CLIP2: variants seen among roughly 807,000 people sequenced by gnomAD.
The protein encoded by CLIP2 is CAP-Gly domain containing linker protein 2.
A neutral mutation model predicts 111.7 loss-of-function variants in CLIP2; 41 were observed. That is an observed-to-expected ratio of 0.37 (90% CI 0.29 to 0.48). The LOEUF is 0.48. Among genes scored for constraint, CLIP2 ranks in the 20% least tolerant of loss-of-function variants. CLIP2 has a pLI of 0.99. For synonymous variants in CLIP2, 660 were observed against 644.2 expected (o/e 1.02, Z -0.37); for missense variants, 1,160 against 1,422.1 (o/e 0.82, Z 2.96).
In CLIP2 at chr7:74,385,464, C is replaced by CA. The variant is rs147539922; in HGVS notation, c.2480-1039dup. ...TGAGCAACACAATGATAACCTGTCTCAAAAAAAAAAAAAAAAAAGGTTAAA... is the reference window on the plus strand; with the variant it reads ...TGAGCAACACAATGATAACCTGTCTCAAAAAAAAAAAAAAAAAAAGGTTAAA... On this transcript the variant is annotated intron_variant, in intron 11 of 16. Coordinates refer to ENST00000223398, the MANE Select transcript of CLIP2 (RefSeq NM_003388.5). 8.9e-3 allele frequency among the ~76,000 whole-genome samples: 629 copies of CA among 71,048 alleles called. 4 individuals carry two copies. The Middle Eastern group carries it at 0.092, about 10-fold the overall frequency. 46.6% of individuals were successfully genotyped at this position (71,048 alleles called of 152,430 possible).
rs533283333 is a variant in CLIP2 at position 74,322,182 on chromosome 7, C to T, written c.121+4515C>T. The stretch of plus-strand genomic sequence containing the variant: ...ATTTTTGTATTTTTTGGAGAGACGG[C>T]GTTTCACCATGTTGGCCAGGCTGGT... On this transcript the variant is annotated intron_variant, in intron 2 of 16. Coordinates refer to ENST00000223398, the MANE Select transcript of CLIP2 (RefSeq NM_003388.5). Among the ~76,000 whole-genome samples, 36 of 150,876 alleles carry T rather than the reference C, an allele frequency of 2.4e-4. No homozygotes were observed. In the East Asian group the frequency reaches 6.7e-3, roughly 28 times the overall value.
intron 8 of CLIP2, among the ~76,000 whole-genome samples, chr7:74,367,694 C>T (rs1554311055): frequency 1.3e-5 from 2 of 152,128 alleles, no homozygotes; most frequent in African/African-American, 4.8e-5. Context: ...AGGACCACAG[C>T]CCAAATTGAA....
At chr7:74,399,542 TGGGG>T (rs111225920) in intron 14 of CLIP2, among the ~76,000 whole-genome samples, 2 of 44,546 alleles carry the variant, frequency 4.5e-5, no homozygotes, top group African/African-American at 1.3e-4. Flanking sequence ...AGTCTTTTTT[TGGGG>T]GGGGGGGGGT....
At chr7:74,303,607 T>A (rs1384815730) in intron 1 of CLIP2, among the ~76,000 whole-genome samples, 2 of 151,150 alleles carry the variant, frequency 1.3e-5, no homozygotes, top group East Asian at 3.9e-4. Context: ...TTTTTTTTTT[T>A]TTTTTTTAGA....
chr7:74,380,897 C>T (rs1790923880), intron 11 of CLIP2, 34 bp downstream of exon 11: 1 of 1,607,168 alleles, frequency 6.2e-7, no homozygotes. Flanking sequence ...GGACTCTGGG[C>T]TCTGGGAAGA....
At chr7:74,307,357 T>C (rs1406940808) in intron 1 of CLIP2, among the ~76,000 whole-genome samples, 1 of 152,152 alleles carries the variant, frequency 6.6e-6, no homozygotes, top group Non-Finnish European at 1.5e-5. Flanking sequence ...CACTTAGCAG[T>C]GTGTGACTTT....
chr7:74,328,943 C>A (rs539609685), intron 2 of CLIP2, among the ~76,000 whole-genome samples: 6 of 150,866 alleles, frequency 4.0e-5, no homozygotes, highest in Non-Finnish European at 7.4e-5. Context: ...GACAGAGTCT[C>A]ATTCTGTCGC....
chr7:74,359,601 C>T (rs1211488261), intron 6 of CLIP2, among the ~76,000 whole-genome samples: 14 of 152,098 alleles, frequency 9.2e-5, no homozygotes, highest in Admixed American at 9.2e-4. Flanking sequence ...GTGATCCGCC[C>T]GCCTTGGCCT....
chr7:74,301,053 G>GTA (rs1314586461), intron 1 of CLIP2, among the ~76,000 whole-genome samples: 2 of 152,174 alleles, frequency 1.3e-5, no homozygotes, highest in South Asian at 2.1e-4. Flanking sequence ...TACCAACAGT[G>GTA]TATACGCGTT....
intron 1 of CLIP2, among the ~76,000 whole-genome samples, chr7:74,296,788 CAAAAAAAAA>C (rs3044389): frequency 8.3e-6 from 1 of 120,160 alleles, no homozygotes; most frequent in East Asian, 2.4e-4. Context: ...GATTTTGTCT[CAAAAAAAAA>C]AAAAAAAAGA....
At chr7:74,383,755 G>C (rs1442484706) in intron 11 of CLIP2, among the ~76,000 whole-genome samples, 1 of 152,052 alleles carries the variant, frequency 6.6e-6, no homozygotes, top group Non-Finnish European at 1.5e-5. Context: ...CAGGAGAATT[G>C]CTTGAAGTCA....
At chr7:74,379,803 C>T (rs1026320693) in intron 10 of CLIP2, among the ~76,000 whole-genome samples, 8 of 151,636 alleles carry the variant, frequency 5.3e-5, no homozygotes, top group East Asian at 1.9e-4. Context: ...ATTAGCTGGG[C>T]GTGGTGGTGG....
chr7:74,318,727 G>T (rs776836791), intron 2 of CLIP2, among the ~76,000 whole-genome samples: 1 of 151,986 alleles, frequency 6.6e-6, no homozygotes, highest in East Asian at 1.9e-4. Context: ...AAAAAATGAC[G>T]ATCGTTTGTT....
In CLIP2 at chr7:74,397,137, G is replaced by A. The variant is rs1469160679; in HGVS notation, c.2784G>A (p.Arg928=). 9 of 1,613,824 alleles carry A rather than the reference G, an allele frequency of 5.6e-6. No individual in the cohort carries two copies. Among genetic ancestry groups the A allele is most frequent in the East Asian group, 2.2e-5 (1 of 44,880 alleles). The change falls in exon 14 of 17, where the codon AGG becomes AGA. Residue 928 remains arginine, a synonymous_variant. Transcript: ENST00000223398. Reference sequence around the variant, plus strand: ...ATCGTCACTCCCCAGGGCCGGAGAGGGACCTGAGCCGTGAGGTACACAAGG... The same window carrying A: ...ATCGTCACTCCCCAGGGCCGGAGAGAGACCTGAGCCGTGAGGTACACAAGG... ...EANRHSPGPE[R]DLSREVHKAE...
Position 74,400,624 on chromosome 7 carries a change from A to C in CLIP2, c.3066+69A>C. Reference sequence around the variant, plus strand: ...GCAGTGTCCTCGGAGCCCCCGTCTGATGCGGGAGGCAGCCTTGTCTTTAAA... The same window carrying C: ...GCAGTGTCCTCGGAGCCCCCGTCTGCTGCGGGAGGCAGCCTTGTCTTTAAA... On this transcript the variant is annotated intron_variant, in intron 15 of 16. Coordinates refer to ENST00000223398, the MANE Select transcript of CLIP2 (RefSeq NM_003388.5). The C allele has an allele frequency of 2.1e-6, 3 of 1,409,486 alleles. No homozygotes were observed. The South Asian group carries it at 4.4e-5, about 21-fold the overall frequency. 87.3% of individuals were successfully genotyped at this position (1,409,486 alleles called of 1,614,324 possible). A position where few individuals can be genotyped will look rare whatever the true frequency, so the allele number is the denominator to read the frequency against.
Position 74,376,425 on chromosome 7 carries a change from C to A in CLIP2, c.2024C>A (p.Thr675Asn), listed in dbSNP as rs1790787812. ...TTGCAGGCCAAGCATGACCTGGAGA[C>A]CGCCATGCACGTGAAGGAGAAGGAG... The part of the protein sequence containing the change: ...GNLQAKHDLE[T>N]AMHVKEKEAL... The change falls in exon 10 of 17, where the codon ACC becomes AAC. Residue 675 changes from threonine (T) to asparagine (N), a missense_variant. Thr to Asn is a moderately conservative substitution (Grantham distance 65, BLOSUM62 0). Transcript: ENST00000223398. The surrounding 1 kb of genome is among the most constrained non-coding windows in gnomAD (Gnocchi z 7.1). 6.2e-7 allele frequency: 1 copy of A among 1,613,870 alleles called. No homozygotes were observed. Among genetic ancestry groups the A allele is most frequent in the Non-Finnish European group, 8.5e-7 (1 of 1,180,022 alleles).
intron 2 of CLIP2, among the ~76,000 whole-genome samples, chr7:74,335,625 C>G (rs1789426828): frequency 6.7e-6 from 1 of 148,208 alleles, no homozygotes; most frequent in Admixed American, 6.8e-5. Flanking sequence ...CAGGTGTGAG[C>G]CACTGTGCCT....
Position 74,376,859 on chromosome 7 carries a change from G to T in CLIP2, c.2421+37G>T, listed in dbSNP as rs782478340. On this transcript the variant is annotated intron_variant, in intron 10 of 16. Transcript: ENST00000223398. This position sits in a 1 kb window ranked among gnomAD's most constrained non-coding sequence, Gnocchi z 7.1. The stretch of plus-strand genomic sequence containing the variant: ...CCCCTCCTGCTGGGGCGGGAGGGTC[G>T]GGCTGGGGAGGGCTTGGCCTTTTGC... The T allele has an allele frequency of 1.3e-6, 2 of 1,485,572 alleles. No individual in the cohort carries two copies. Among genetic ancestry groups the T allele is most frequent in the Non-Finnish European group, 1.8e-6 (2 of 1,115,224 alleles). The allele number at this position is 1,485,572 out of a possible 1,614,324, so 92.0% of individuals were successfully genotyped here.
chr7:74,359,545 T>G (rs113450291), intron 6 of CLIP2, among the ~76,000 whole-genome samples: 1 of 151,302 alleles, frequency 6.6e-6, no homozygotes, highest in Non-Finnish European at 1.5e-5. Flanking sequence ...TTAGTAGAGA[T>G]GGGGTTTCAC....
Sources: gnomAD v4.1 joint callset for allele counts (sites outside exome capture counted in the v4.1 genomes callset) on GRCh38, gnomAD v4.1.1 for gene constraint, Gnocchi (gnomAD v3.1) non-coding constraint, MANE v1.5 for transcripts, NCBI Gene and HGNC (gene_info 2026-07-23, HGNC 2026-07-21) for gene names.